Variants in PCDHA8 observed in about 807,000 individuals in gnomAD.
PCDHA8 encodes the protein protocadherin alpha-8.
PCDHA8 carries 53 observed loss-of-function variants against 61.8 expected under a neutral mutation model. That is an observed-to-expected ratio of 0.86 (90% CI 0.69 to 1.08). PCDHA8 has a LOEUF of 1.08. Ranked by LOEUF, PCDHA8 falls within the 50% of genes least tolerant of loss-of-function variation. The pLI, the probability that PCDHA8 is intolerant of heterozygous loss-of-function variation, is 0.00. For missense variants in PCDHA8, 1,293 were observed against 1,245.0 expected (o/e 1.04, Z -0.58); for synonymous variants, 618 against 556.6 (o/e 1.11, Z -1.55).
intron 1 of PCDHA8, chr5:140,850,741 C>G: frequency 6.3e-7 from 1 of 1,597,822 alleles, no homozygotes. Flanking sequence ...GGGAGTTGGT[C>G]GTACTCGCAG....
At chr5:140,870,473 C>G (rs1232580918) in intron 1 of PCDHA8, 1 of 1,614,124 alleles carries the variant, frequency 6.2e-7, no homozygotes, top group Non-Finnish European at 8.5e-7. Context: ...TTCGCACAGC[C>G]CGAGTACACC....
At position 140,872,763 on chromosome 5, in the gene PCDHA8, G is replaced by T. The variant is rs560485194; in HGVS notation, c.2394+29048G>T. The stretch of plus-strand genomic sequence containing the variant: ...AACTTGCTAAAGACATGCATATAGG[G>T]CTATATTATCTATAATATATGCTAG... On this transcript the variant is annotated intron_variant, in intron 1 of 3. Transcript: ENST00000531613. Among the ~76,000 whole-genome samples, 293 of 152,126 alleles carry T rather than the reference G, an allele frequency of 1.9e-3. 2 individuals are homozygous for T. The highest frequency in any genetic ancestry group is 3.6e-3 in the Non-Finnish European group (245 of 67,974).
chr5:141,009,595 C>G (rs781807814), intron 3 of PCDHA8, 32 bp from the exon 4 acceptor site: 1 of 1,604,124 alleles, frequency 6.2e-7, no homozygotes, highest in Non-Finnish European at 8.5e-7. Flanking sequence ...TGTGTTGACC[C>G]TGTTAATGAT....
At chr5:140,906,278 C>A (rs546102354) in intron 1 of PCDHA8, among the ~76,000 whole-genome samples, 1 of 152,152 alleles carries the variant, frequency 6.6e-6, no homozygotes, top group Admixed American at 6.6e-5. Flanking sequence ...AGATAATCTT[C>A]AAATTAAGAC....
intron 1 of PCDHA8, chr5:140,968,016 A>G: frequency 6.2e-7 from 1 of 1,613,240 alleles, no homozygotes; most frequent in Non-Finnish European, 8.5e-7. Flanking sequence ...GGCTTTGGAA[A>G]CTCCTATACA....
intron 1 of PCDHA8, chr5:140,884,328 T>C: frequency 1.2e-6 from 2 of 1,613,822 alleles, no homozygotes; most frequent in Non-Finnish European, 1.7e-6. Flanking sequence ...GCAGGCGCTG[T>C]GGGTCCAGAA....
intron 3 of PCDHA8, among the ~76,000 whole-genome samples, chr5:140,997,668 T>G (rs2097778117): frequency 6.7e-6 from 1 of 148,344 alleles, no homozygotes; most frequent in African/African-American, 2.5e-5. Flanking sequence ...ATTATACAGC[T>G]TGTGTGTGTG....
chr5:140,966,658 G>A (rs887585622), intron 1 of PCDHA8: 5 of 1,212,426 alleles, frequency 4.1e-6, no homozygotes, highest in Admixed American at 3.9e-5. Flanking sequence ...GAGCGGTGGG[G>A]GAGCAGGCGC....
intron 1 of PCDHA8, among the ~76,000 whole-genome samples, chr5:140,959,410 T>C (rs564453268): frequency 6.6e-5 from 10 of 152,300 alleles, no homozygotes; most frequent in Non-Finnish European, 1.3e-4. Flanking sequence ...AAGTGTTGAT[T>C]GATCTGAGAA....
At chr5:141,002,273 A>G (rs1040927044) in intron 3 of PCDHA8, among the ~76,000 whole-genome samples, 42 of 152,308 alleles carry the variant, frequency 2.8e-4, no homozygotes, top group African/African-American at 8.9e-4. Context: ...AGAGCTGGTA[A>G]CAAAGGGATG....
intron 1 of PCDHA8, among the ~76,000 whole-genome samples, chr5:140,913,895 C>A (rs2076500910): frequency 6.6e-6 from 1 of 152,066 alleles, no homozygotes; most frequent in South Asian, 2.1e-4. Flanking sequence ...TTCCAAAATT[C>A]CCCTTTTTTA....
Position 140,967,580 on chromosome 5 carries a change from C to T in PCDHA8, c.2395-11369C>T, listed in dbSNP as rs201304400. 42 of 1,614,122 alleles carry T rather than the reference C, an allele frequency of 2.6e-5. No homozygotes were observed. The East Asian group carries it at 4.7e-4, about 18-fold the overall frequency. ...CGTCCAGCTACGGGAGGACTCACCC[C>T]CAGGCACATTGGTGGTGAAGCTGAA... On this transcript the variant is annotated intron_variant, in intron 1 of 3. Transcript: ENST00000531613.
chr5:140,871,247 T>C (rs1340682715), intron 1 of PCDHA8: 1 of 1,613,990 alleles, frequency 6.2e-7, no homozygotes, highest in Non-Finnish European at 8.5e-7. Context: ...CTCACGCTGC[T>C]GCTGTATACG....
chr5:140,864,004 A>G (rs1042382501), intron 1 of PCDHA8: 4 of 153,124 alleles, frequency 2.6e-5, no homozygotes, highest in Non-Finnish European at 4.4e-5. Context: ...CTGTCTTAAA[A>G]AAAAAAGTAC....
intron 1 of PCDHA8, chr5:140,966,979 C>T (rs1554229021): frequency 2.5e-6 from 4 of 1,603,612 alleles, no homozygotes; most frequent in Admixed American, 1.7e-5. Context: ...AGCTGCGGCG[C>T]TTGGGGCCGG....
intron 3 of PCDHA8, among the ~76,000 whole-genome samples, chr5:140,985,081 G>C (rs1028077723): frequency 1.3e-5 from 2 of 152,088 alleles, no homozygotes; most frequent in African/African-American, 4.8e-5. Flanking sequence ...GAGACTACAG[G>C]CGTGTGCCAC....
chr5:140,960,438 T>C (rs1403944664), intron 1 of PCDHA8, among the ~76,000 whole-genome samples: 4 of 152,180 alleles, frequency 2.6e-5, no homozygotes, highest in African/African-American at 9.7e-5. Context: ...ATACTCTAGA[T>C]ATATGTATGG....
chr5:140,959,449 A>G (rs2095488988), intron 1 of PCDHA8, among the ~76,000 whole-genome samples: 1 of 152,196 alleles, frequency 6.6e-6, no homozygotes, highest in South Asian at 2.1e-4. Context: ...TTTTGTGCTG[A>G]AAAGCTGAAG....
intron 1 of PCDHA8, among the ~76,000 whole-genome samples, chr5:140,961,590 A>C (rs1554225489): frequency 2.0e-5 from 3 of 152,100 alleles, no homozygotes; most frequent in Non-Finnish European, 4.4e-5. Flanking sequence ...TATTTTGGCA[A>C]TGATTCTAGT....
Sources: gnomAD v4.1 joint callset for allele counts (sites outside exome capture counted in the v4.1 genomes callset) on GRCh38, gnomAD v4.1.1 for gene constraint, MANE v1.5 for transcripts, NCBI Gene and HGNC (gene_info 2026-07-23, HGNC 2026-07-21) for gene names.